Variants in RBM20 observed in about 807,000 individuals in gnomAD.
RBM20 encodes RNA binding motif protein 20, also known as RNA-binding protein 20.
Under a neutral mutation model 110.1 loss-of-function variants are expected in RBM20, and 51 were observed. The observed-to-expected ratio is 0.46, with a 90% CI of 0.37 to 0.59. RBM20 has a LOEUF of 0.59. RBM20 is among the 20% of genes least tolerant of loss of function. The pLI is 0.00. For missense variants in RBM20, 1,512 were observed against 1,574.9 expected (o/e 0.96, Z 0.68); for synonymous variants, 589 against 618.2 (o/e 0.95, Z 0.70).
At chr10:110,762,762 C>T (rs1844023511) in intron 1 of RBM20, among the ~76,000 whole-genome samples, 1 of 152,182 alleles carries the variant, frequency 6.6e-6, no homozygotes, top group Non-Finnish European at 1.5e-5. Flanking sequence ...CCCACAATGG[C>T]AGACAGGAGC....
At chr10:110,818,521 G>A (rs1286674440) in intron 9 of RBM20, among the ~76,000 whole-genome samples, 6 of 152,166 alleles carry the variant, frequency 3.9e-5, no homozygotes, top group Admixed American at 2.6e-4. Flanking sequence ...GTGGGCAGCT[G>A]GGGGCACCCG....
intron 1 of RBM20, among the ~76,000 whole-genome samples, chr10:110,715,303 T>C (rs530886772): frequency 6.9e-4 from 105 of 151,710 alleles, no homozygotes; most frequent in South Asian, 2.5e-3. Flanking sequence ...TTTGTGAATA[T>C]TCGTACTTCT....
At chr10:110,831,560 G>A (rs1295814326) in intron 13 of RBM20, 1 of 157,878 alleles carries the variant, frequency 6.3e-6, no homozygotes, top group Non-Finnish European at 1.4e-5. Context: ...AGTTAGGCCA[G>A]TGTTCCTCTG....
intron 3 of RBM20, among the ~76,000 whole-genome samples, chr10:110,783,964 C>G (rs1844387120): frequency 6.6e-6 from 1 of 152,216 alleles, no homozygotes; most frequent in Non-Finnish European, 1.5e-5. Context: ...TTTGCCTGTT[C>G]TGTACTTTTC....
chr10:110,779,919 G>A (rs112031278), intron 1 of RBM20, among the ~76,000 whole-genome samples: 2 of 152,314 alleles, frequency 1.3e-5, no homozygotes, highest in African/African-American at 4.8e-5. Context: ...CACTCTGTAG[G>A]CAATTGTTAA....
intron 13 of RBM20, among the ~76,000 whole-genome samples, chr10:110,834,841 G>C (rs1486215063): frequency 6.6e-6 from 1 of 152,190 alleles, no homozygotes; most frequent in Admixed American, 6.5e-5. Flanking sequence ...CCTCAAACCT[G>C]TCCCAGTCTG....
intron 9 of RBM20, among the ~76,000 whole-genome samples, chr10:110,819,144 A>G (rs1227518476): frequency 3.9e-5 from 6 of 152,248 alleles, no homozygotes; most frequent in Admixed American, 3.9e-4. Context: ...CTTGGCCCTC[A>G]GAAAGCCCAG....
At chr10:110,708,029 C>A (rs1409387942) in intron 1 of RBM20, among the ~76,000 whole-genome samples, 1 of 152,040 alleles carries the variant, frequency 6.6e-6, no homozygotes, top group Non-Finnish European at 1.5e-5. Flanking sequence ...GTACCTATAA[C>A]AATAAAAAAT....
chr10:110,741,453 C>T (rs780650581), intron 1 of RBM20, among the ~76,000 whole-genome samples: 11 of 152,138 alleles, frequency 7.2e-5, no homozygotes, highest in Non-Finnish European at 1.3e-4. Flanking sequence ...CTCATGCAAA[C>T]TCAGCCTTTG....
At chr10:110,797,746 A>G in intron 6 of RBM20, 98 bp downstream of exon 6, 2 of 1,302,360 alleles carry the variant, frequency 1.5e-6, no homozygotes, top group Non-Finnish European at 2.1e-6. Flanking sequence ...CTTAACATAA[A>G]GAGGCGATGC....
intron 1 of RBM20, among the ~76,000 whole-genome samples, chr10:110,733,972 C>A (rs1380509461): frequency 1.3e-5 from 2 of 152,128 alleles, no homozygotes; most frequent in Non-Finnish European, 2.9e-5. Context: ...TTTCATTATA[C>A]CTGCGAATGT....
chr10:110,754,494 C>T (rs1843898036), intron 1 of RBM20, among the ~76,000 whole-genome samples: 1 of 152,108 alleles, frequency 6.6e-6, no homozygotes, highest in African/African-American at 2.4e-5. Context: ...CTGACTTATC[C>T]CCTATAGTCT....
At chr10:110,654,265 G>A (rs1225589012) in intron 1 of RBM20, among the ~76,000 whole-genome samples, 2 of 152,204 alleles carry the variant, frequency 1.3e-5, no homozygotes, top group Non-Finnish European at 2.9e-5. Context: ...ATATCAAACA[G>A]CCTTGCAAAT....
chr10:110,760,813 G>T (rs542444064), intron 1 of RBM20, among the ~76,000 whole-genome samples: 22 of 150,500 alleles, frequency 1.5e-4, no homozygotes, highest in African/African-American at 4.9e-4. Context: ...AAATTAGTTG[G>T]CCAGGTGCAG....
At chr10:110,699,847 C>G (rs182088668) in intron 1 of RBM20, among the ~76,000 whole-genome samples, 1 of 151,966 alleles carries the variant, frequency 6.6e-6, no homozygotes, top group Non-Finnish European at 1.5e-5. Flanking sequence ...CATTATGAAG[C>G]GAAATAAGGA....
chr10:110,831,455 G>A, intron 13 of RBM20: 1 of 352,784 alleles, frequency 2.8e-6, no homozygotes, highest in Non-Finnish European at 5.3e-6. Flanking sequence ...CTCCTGTGTT[G>A]CTCCTAGCAC....
intron 1 of RBM20, among the ~76,000 whole-genome samples, chr10:110,660,241 T>A (rs1449863259): frequency 1.1e-4 from 17 of 152,218 alleles, no homozygotes; most frequent in Admixed American, 1.1e-3. Context: ...AGTCGACTTG[T>A]GGCAGCTTAA....
At chr10:110,741,508 C>T (rs1843724967) in intron 1 of RBM20, among the ~76,000 whole-genome samples, 1 of 152,048 alleles carries the variant, frequency 6.6e-6, no homozygotes, top group Non-Finnish European at 1.5e-5. Context: ...GAAAGAGACC[C>T]ACAGGTCATC....
intron 12 of RBM20, among the ~76,000 whole-genome samples, chr10:110,830,764 G>A (rs1845040740): frequency 6.6e-6 from 1 of 152,210 alleles, no homozygotes; most frequent in African/African-American, 2.4e-5. Flanking sequence ...TTGGAAGGAG[G>A]CTGATAGTAG....
Sources: allele counts gnomAD v4.1 joint callset (sites outside exome capture counted in the v4.1 genomes callset), GRCh38; gene constraint gnomAD v4.1.1; transcripts MANE v1.5; gene names NCBI Gene and HGNC (gene_info 2026-07-23, HGNC 2026-07-21).